The following SLC25A21 variants were observed in gnomAD, a reference collection of about 807,000 sequenced individuals.
The protein encoded by SLC25A21 is mitochondrial 2-oxodicarboxylate carrier.
Under a neutral mutation model 43.8 loss-of-function variants are expected in SLC25A21, and 47 were observed. That is an observed-to-expected ratio of 1.07 (90% CI 0.85 to 1.37). The LOEUF (loss-of-function observed/expected upper bound fraction) is 1.37, where lower values mean the gene tolerates loss of function less well. Among genes scored for constraint, SLC25A21 ranks in the 40% most tolerant of loss-of-function variants. The probability of loss-of-function intolerance (pLI) is 0.00; values close to 1 mark genes in which losing one functional copy is unlikely to be tolerated. For synonymous variants in SLC25A21, 131 were observed against 121.3 expected, an observed-to-expected ratio of 1.08 and a Z score of -0.52; for missense variants, 352 against 350.2, an observed-to-expected ratio of 1.00 and a Z score of -0.04.
intron 2 of SLC25A21, among the ~76,000 whole-genome samples, chr14:36,874,167 A>T (rs1273965143): frequency 2.6e-5 from 4 of 152,230 alleles, no homozygotes; most frequent in Non-Finnish European, 5.9e-5. Context: ...GAATTATCAA[A>T]TATTTCCTAA....
rs17105414 is a variant in SLC25A21, at chr14:36,813,799, T to G, written c.203+119A>C. On this transcript the variant is annotated intron_variant, in intron 3 of 9. Transcript: ENST00000331299. ...CATTATTAGGAAAAACATAACAAAG[T>G]AGAAAGGTACCCTTTTAAGTATTTT... The G allele has an allele frequency of 6.4e-3, 4,383 of 689,598 alleles. 136 individuals are homozygous for G. In the African/African-American group the frequency reaches 0.074, roughly 12 times the overall value. 42.7% of individuals were successfully genotyped at this position (689,598 alleles called of 1,614,324 possible).
At chr14:36,755,233 A>C (rs1413994446) in intron 3 of SLC25A21, among the ~76,000 whole-genome samples, 1 of 152,220 alleles carries the variant, frequency 6.6e-6, no homozygotes, top group Non-Finnish European at 1.5e-5. Context: ...TTATCCAGCT[A>C]TAGGGATGGA....
chr14:36,931,055 C>T (rs540133657), intron 1 of SLC25A21, among the ~76,000 whole-genome samples: 3 of 152,054 alleles, frequency 2.0e-5, no homozygotes, highest in Non-Finnish European at 2.9e-5. Context: ...CCCACAGACT[C>T]GGGTTCTTTT....
intron 2 of SLC25A21, among the ~76,000 whole-genome samples, chr14:36,848,983 A>G (rs1369397669): frequency 6.6e-6 from 1 of 152,168 alleles, no homozygotes; most frequent in Non-Finnish European, 1.5e-5. Flanking sequence ...GATTCATGGT[A>G]AACTTTCCAG....
chr14:36,876,612 A>G (rs151012777), intron 1 of SLC25A21, among the ~76,000 whole-genome samples: 3 of 152,126 alleles, frequency 2.0e-5, no homozygotes, highest in Admixed American at 6.6e-5. Context: ...AGGTCTCCAT[A>G]TACTTCTCCT....
intron 2 of SLC25A21, among the ~76,000 whole-genome samples, chr14:36,872,019 T>G (rs140218310): frequency 7.9e-5 from 12 of 152,140 alleles, no homozygotes; most frequent in Admixed American, 7.9e-4. Context: ...AGGCAGAGAA[T>G]TAAGAAAGAT....
At chr14:36,826,532 C>T (rs1888838615) in intron 2 of SLC25A21, among the ~76,000 whole-genome samples, 1 of 152,166 alleles carries the variant, frequency 6.6e-6, no homozygotes, top group Non-Finnish European at 1.5e-5. Flanking sequence ...CTTTAATTCA[C>T]CACTCAAAAT....
intron 1 of SLC25A21, among the ~76,000 whole-genome samples, chr14:37,022,517 A>ATC (rs1202369844): frequency 2.6e-5 from 4 of 151,904 alleles, no homozygotes; most frequent in African/African-American, 9.7e-5. Context: ...AATGTATGAG[A>ATC]TCTCTCTCTC....
intron 1 of SLC25A21, among the ~76,000 whole-genome samples, chr14:37,074,449 G>C (rs1962238446): frequency 6.6e-6 from 1 of 152,178 alleles, no homozygotes; most frequent in African/African-American, 2.4e-5. Flanking sequence ...TCTGTTCCCA[G>C]AAGGCTGAAT....
chr14:36,823,592 T>C (rs757908645), intron 2 of SLC25A21, among the ~76,000 whole-genome samples: 1 of 152,164 alleles, frequency 6.6e-6, no homozygotes, highest in Non-Finnish European at 1.5e-5. Context: ...GGGGGAAGGA[T>C]GAATCAAAGA....
intron 3 of SLC25A21, among the ~76,000 whole-genome samples, chr14:36,802,672 C>T (rs1887907750): frequency 6.6e-6 from 1 of 152,078 alleles, no homozygotes; most frequent in African/African-American, 2.4e-5. Context: ...GAAATTATTT[C>T]CCCTTTGGAT....
chr14:37,061,270 C>T lies in SLC25A21; in HGVS notation c.70+111011G>A, dbSNP rs544796786. Among the ~76,000 whole-genome samples, 11 of 152,280 alleles carry T rather than the reference C, an allele frequency of 7.2e-5. No individual in the cohort carries two copies. In the East Asian group the frequency reaches 9.7e-4, roughly 13 times the overall value. On this transcript the variant is annotated intron_variant, in intron 1 of 9. Coordinates refer to ENST00000331299, the MANE Select transcript of SLC25A21 (RefSeq NM_030631.4). ...AAAGCACATTTTGCTATGACACCAACGAACAGCAACTGGTCCCAAGCAACA... is the reference window on the plus strand; with the variant it reads ...AAAGCACATTTTGCTATGACACCAATGAACAGCAACTGGTCCCAAGCAACA...
chr14:36,955,916 T>C (rs749419433), intron 1 of SLC25A21, among the ~76,000 whole-genome samples: 1 of 152,178 alleles, frequency 6.6e-6, no homozygotes, highest in Non-Finnish European at 1.5e-5. Context: ...TGCTGGTCAA[T>C]AAACTTGGTA....
chr14:37,085,467 T>C (rs1027865840), intron 1 of SLC25A21, among the ~76,000 whole-genome samples: 1 of 152,208 alleles, frequency 6.6e-6, no homozygotes, highest in Non-Finnish European at 1.5e-5. Context: ...GTTTATATAA[T>C]TTTATCTTTG....
At chr14:37,094,394 T>C (rs17106300) in intron 1 of SLC25A21, among the ~76,000 whole-genome samples, 3,636 of 152,178 alleles carry the variant, frequency 0.024, 155 homozygotes, top group African/African-American at 0.082. Flanking sequence ...CCTATTAATA[T>C]GGAAAAAATT....
intron 2 of SLC25A21, among the ~76,000 whole-genome samples, chr14:36,851,234 C>G (rs1423121021): frequency 6.6e-6 from 1 of 152,116 alleles, no homozygotes. Flanking sequence ...CCAATCACAC[C>G]TAATTTCAGT....
intron 1 of SLC25A21, among the ~76,000 whole-genome samples, chr14:36,918,853 A>C (rs1452438835): frequency 1.3e-5 from 2 of 152,144 alleles, no homozygotes; most frequent in African/African-American, 4.8e-5. Flanking sequence ...TAAAAGGAAA[A>C]GCCCGAAAGA....
intron 3 of SLC25A21, among the ~76,000 whole-genome samples, chr14:36,813,548 G>C (rs1466199702): frequency 6.6e-6 from 1 of 152,016 alleles, no homozygotes; most frequent in Non-Finnish European, 1.5e-5. Flanking sequence ...TTTTGATACA[G>C]ATCTGTTTTA....
chr14:36,836,867 A>G (rs1889227355), intron 2 of SLC25A21, among the ~76,000 whole-genome samples: 1 of 152,190 alleles, frequency 6.6e-6, no homozygotes, highest in African/African-American at 2.4e-5. Context: ...ATTTGTAGTT[A>G]GAGGAGAAAA....
Sources: gnomAD v4.1 joint callset for allele counts (sites outside exome capture counted in the v4.1 genomes callset) on GRCh38, gnomAD v4.1.1 for gene constraint, MANE v1.5 for transcripts, NCBI Gene and HGNC (gene_info 2026-07-23, HGNC 2026-07-21) for gene names.